The following RPS6KC1 variants were observed in gnomAD, a reference collection of about 807,000 sequenced individuals.
The protein encoded by RPS6KC1 is ribosomal protein S6 kinase C1, also known as inactive ribosomal protein S6 kinase delta-1.
RPS6KC1 carries 54 observed loss-of-function variants against 103.8 expected under a neutral mutation model. The ratio of observed to expected loss-of-function variants is 0.52; its 90% CI spans 0.42 to 0.65. The LOEUF is 0.65. Ranked by LOEUF, RPS6KC1 falls within the 30% of genes least tolerant of loss-of-function variation. The probability of loss-of-function intolerance (pLI) is 0.00; values close to 1 mark genes in which losing one functional copy is unlikely to be tolerated. For missense variants in RPS6KC1, 1,151 were observed against 1,253.8 expected (o/e 0.92, Z 1.24); for synonymous variants, 439 against 438.7 (o/e 1.00, Z -0.01).
At chr1:213,574,038 A>G in the RPS6KC1 span, among the ~76,000 whole-genome samples, 1 of 152,248 alleles carries the variant, frequency 6.6e-6, no homozygotes, top group Non-Finnish European at 1.5e-5. Context: ...ATCAGCTGTC[A>G]GAAGGGTAAG....
the RPS6KC1 span, among the ~76,000 whole-genome samples, chr1:213,753,204 G>A: frequency 6.6e-6 from 1 of 152,286 alleles, no homozygotes; most frequent in Admixed American, 6.5e-5. Context: ...AGAATTCAGG[G>A]TTGGCCTGGG....
chr1:213,129,941 GAAA>G (rs768458865), intron 6 of RPS6KC1, 52 bp downstream of exon 6: 1 of 1,493,176 alleles, frequency 6.7e-7, no homozygotes, highest in Non-Finnish European at 8.9e-7. Context: ...TGGTATGTGG[GAAA>G]AAAAAGTACA....
At chr1:213,598,041 T>A in the RPS6KC1 span, among the ~76,000 whole-genome samples, 1 of 152,176 alleles carries the variant, frequency 6.6e-6, no homozygotes, top group Non-Finnish European at 1.5e-5. Context: ...GCAAAAGTAA[T>A]TGTGGGTTTT....
the RPS6KC1 span, among the ~76,000 whole-genome samples, chr1:213,440,102 A>G: frequency 6.6e-6 from 1 of 152,130 alleles, no homozygotes; most frequent in African/African-American, 2.4e-5. Context: ...TATTATGTGC[A>G]TAATCAGATA....
chr1:213,539,232 G>A, the RPS6KC1 span, among the ~76,000 whole-genome samples: 2 of 152,292 alleles, frequency 1.3e-5, no homozygotes, highest in African/African-American at 2.4e-5. Context: ...CCAGAAGTCA[G>A]CGACCAGAGA....
the RPS6KC1 span, among the ~76,000 whole-genome samples, chr1:213,552,580 A>G: frequency 1.3e-5 from 2 of 152,254 alleles, no homozygotes; most frequent in East Asian, 3.9e-4. Flanking sequence ...AGTTGTTTGT[A>G]TATTTGGGTA....
chr1:213,611,332 A>G, the RPS6KC1 span, among the ~76,000 whole-genome samples: 2,178 of 152,138 alleles, frequency 0.014, 50 homozygotes, highest in African/African-American at 0.05. Context: ...GCCCCCATGA[A>G]GCACATGTTT....
At chr1:213,235,356 T>C (rs985862213) in intron 10 of RPS6KC1, among the ~76,000 whole-genome samples, 5 of 152,112 alleles carry the variant, frequency 3.3e-5, no homozygotes, top group Admixed American at 2.6e-4. Context: ...CATTACATTA[T>C]AGAGGCAGAA....
chr1:213,780,212 A>G, the RPS6KC1 span, among the ~76,000 whole-genome samples: 48 of 152,342 alleles, frequency 3.2e-4, 1 homozygote, highest in African/African-American at 1.1e-3. Flanking sequence ...GTATAGATTT[A>G]TCTCTCATGG....
At chr1:213,247,015 G>A (rs2094464875) in intron 12 of RPS6KC1, among the ~76,000 whole-genome samples, 1 of 152,168 alleles carries the variant, frequency 6.6e-6, no homozygotes, top group African/African-American at 2.4e-5. Context: ...TCTTGAACAA[G>A]TTGATATGGT....
At chr1:213,156,325 GTA>G (rs2089882716) in intron 6 of RPS6KC1, among the ~76,000 whole-genome samples, 1 of 152,120 alleles carries the variant, frequency 6.6e-6, no homozygotes, top group African/African-American at 2.4e-5. Context: ...TGAGATAAAA[GTA>G]TTTTTAAAAA....
the RPS6KC1 span, among the ~76,000 whole-genome samples, chr1:213,637,479 T>C: frequency 6.6e-6 from 1 of 152,070 alleles, no homozygotes; most frequent in Non-Finnish European, 1.5e-5. Context: ...GACGAGTTGA[T>C]GGGTGCAGCA....
At chr1:213,566,436 A>AGTTTT in the RPS6KC1 span, among the ~76,000 whole-genome samples, 4 of 25,760 alleles carry the variant, frequency 1.6e-4, no homozygotes, top group Non-Finnish European at 2.5e-4. Context: ...CTCAGCCTTT[A>AGTTTT]GTTTTTTTTT....
the RPS6KC1 span, among the ~76,000 whole-genome samples, chr1:213,533,070 AAGGTTTTTG>A: frequency 6.6e-6 from 1 of 152,182 alleles, no homozygotes; most frequent in Non-Finnish European, 1.5e-5. Flanking sequence ...GGAGCTGTGG[AAGGTTTTTG>A]AGTACAGAGT....
chr1:213,594,482 C>T, the RPS6KC1 span, among the ~76,000 whole-genome samples: 1 of 152,034 alleles, frequency 6.6e-6, no homozygotes, highest in South Asian at 2.1e-4. Flanking sequence ...GTATGTGGCT[C>T]CCATTTTATT....
At chr1:213,207,579 G>A (rs2093385747) in intron 8 of RPS6KC1, among the ~76,000 whole-genome samples, 1 of 152,008 alleles carries the variant, frequency 6.6e-6, no homozygotes, top group Admixed American at 6.6e-5. Flanking sequence ...TTTTCTGTAT[G>A]GTATAAAAAC....
At chr1:213,357,843 C>T in the RPS6KC1 span, among the ~76,000 whole-genome samples, 1 of 152,202 alleles carries the variant, frequency 6.6e-6, no homozygotes, top group Non-Finnish European at 1.5e-5. Context: ...CTGGCTGGCT[C>T]TTGTGTGGCG....
chr1:213,842,598 T>C, the RPS6KC1 span, among the ~76,000 whole-genome samples: 1 of 152,212 alleles, frequency 6.6e-6, no homozygotes, highest in Admixed American at 6.5e-5. Flanking sequence ...CGTGATTCAG[T>C]TGACTCTACT....
At chr1:213,193,667 A>G (rs1183625335) in intron 8 of RPS6KC1, among the ~76,000 whole-genome samples, 1 of 151,980 alleles carries the variant, frequency 6.6e-6, no homozygotes, top group African/African-American at 2.4e-5. Flanking sequence ...ATGGAGTCTC[A>G]CTACGTCACC....
Sources: gnomAD v4.1 joint callset for allele counts (sites outside exome capture counted in the v4.1 genomes callset) on GRCh38, gnomAD v4.1.1 for gene constraint, MANE v1.5 for transcripts, NCBI Gene and HGNC (gene_info 2026-07-23, HGNC 2026-07-21) for gene names.